The following TAAR9 variants were observed in gnomAD, a reference collection of about 807,000 sequenced individuals.
TAAR9 encodes the protein trace amine associated receptor 9.
For synonymous variants in TAAR9, 162 were observed against 152.6 expected, an observed-to-expected ratio of 1.06 and a Z score of -0.45; for missense variants, 453 against 409.4, an observed-to-expected ratio of 1.11 and a Z score of -0.92.
At chr6:132,538,925 C>T (rs2114524243) in exon 1 of TAAR9, 8 of 1,588,624 alleles carry the variant, frequency 5.0e-6, no homozygotes, top group Non-Finnish European at 6.8e-6. Flanking sequence ...CCAATGTCGC[C>T]ATGGTGTTTA....
At chr6:132,538,373 G>T (rs370164196) in exon 1 of TAAR9, 4 of 1,613,544 alleles carry the variant, frequency 2.5e-6, no homozygotes, top group South Asian at 1.1e-5. Flanking sequence ...CTCCTTACTC[G>T]CCAGGTCCTC....
chr6:132,539,158 C>T (rs767649921), exon 1 of TAAR9: 4 of 1,584,304 alleles, frequency 2.5e-6, no homozygotes, highest in South Asian at 2.3e-5. Context: ...ATAACTCCTC[C>T]TTATGTTTAT....
chr6:132,539,024 C>G lies in TAAR9; in HGVS notation c.735C>G (p.Tyr245Ter), dbSNP rs771879679. ...AAGCTCAGTCCTCCTCAGAGAGTTA[C>G]AAGGAAAGAGTAGCAAAAAGAGAGA... The change falls in exon 1 of 1, where the codon TAC becomes TAG. Residue 245 changes from tyrosine (Y) to a stop codon, truncating the protein, a stop_gained. Transcript: ENST00000434551. LOFTEE classifies it low-confidence loss of function (END_TRUNC). 1 of 1,529,102 alleles carries G rather than the reference C, an allele frequency of 6.5e-7. No individual in the cohort carries two copies. Among genetic ancestry groups the G allele is most frequent in the Non-Finnish European group, 8.7e-7 (1 of 1,143,358 alleles). The allele number at this position is 1,529,102 out of a possible 1,614,324, so 94.7% of individuals were successfully genotyped here.
exon 1 of TAAR9, chr6:132,538,503 G>A (rs1776251225): frequency 6.2e-7 from 1 of 1,612,388 alleles, no homozygotes; most frequent in South Asian, 1.1e-5. Context: ...CTTTCTGATT[G>A]CGTCGCTGGC....
At chr6:132,539,152 C>G (rs760021872) in exon 1 of TAAR9, 5 of 1,578,380 alleles carry the variant, frequency 3.2e-6, no homozygotes, top group Non-Finnish European at 4.3e-6. Flanking sequence ...AATTTTATAA[C>G]TCCTCCTTAT....
chr6:132,538,351 C>A (rs1467563786), exon 1 of TAAR9: 6 of 1,613,456 alleles, frequency 3.7e-6, no homozygotes, highest in South Asian at 1.1e-5. Context: ...GTGAACGAAT[C>A]CTGCATTAAA....
exon 1 of TAAR9, chr6:132,539,109 T>A (rs1460472234): frequency 6.4e-7 from 1 of 1,555,180 alleles, no homozygotes; most frequent in Non-Finnish European, 8.7e-7. Flanking sequence ...TTGGCTACCA[T>A]ACCTCGTTGA....
exon 1 of TAAR9, chr6:132,538,407 G>A: frequency 6.2e-7 from 1 of 1,613,736 alleles, no homozygotes; most frequent in Non-Finnish European, 8.5e-7. Flanking sequence ...CGCCGTCCTT[G>A]GTTTTGGGGC....
At chr6:132,539,141 G>A (rs1415729752) in exon 1 of TAAR9, 2 of 1,575,078 alleles carry the variant, frequency 1.3e-6, no homozygotes, top group Non-Finnish European at 8.6e-7. Context: ...ATGCTTATAT[G>A]AATTTTATAA....
At chr6:132,539,171 G>A in exon 1 of TAAR9, 2 of 1,589,564 alleles carry the variant, frequency 1.3e-6, no homozygotes, top group South Asian at 1.2e-5. Context: ...ATGTTTATGA[G>A]ATTTTAGTTT....
At position 132,538,412 on chromosome 6, in the gene TAAR9, TG is replaced by T. The variant is rs751382963; in HGVS notation, c.127del (p.Ala43LeufsTer12). 2 of 1,613,818 alleles carry T rather than the reference TG, an allele frequency of 1.2e-6. No homozygotes were observed. The highest frequency in any genetic ancestry group is 1.7e-6 in the Non-Finnish European group (2 of 1,179,836). ...CTATCCTCTACGCCGTCCTTGGTTT[TG>T]GGGCTGTGCTGGCAGCGTTTGGAAA... On this transcript the variant is annotated frameshift_variant, in exon 1 of 1. Transcript: ENST00000434551. LOFTEE classifies it low-confidence loss of function (END_TRUNC).
exon 1 of TAAR9, chr6:132,539,305 A>T: frequency 6.2e-7 from 1 of 1,610,656 alleles, no homozygotes; most frequent in Non-Finnish European, 8.5e-7. Context: ...TCAACAACTA[A>T]TTTATTTTCT....
chr6:132,538,967 T>A, exon 1 of TAAR9: 1 of 1,548,782 alleles, frequency 6.5e-7, no homozygotes, highest in Non-Finnish European at 8.7e-7. Flanking sequence ...TGGCCAAGCA[T>A]CAGGCTAGGA....
chr6:132,538,843 C>A (rs754573179), exon 1 of TAAR9: 10 of 1,613,694 alleles, frequency 6.2e-6, no homozygotes, highest in Non-Finnish European at 8.5e-6. Context: ...GTTGCTCTAA[C>A]CTGTGTAGGA....
At chr6:132,538,862 G>A in exon 1 of TAAR9, 4 of 1,613,060 alleles carry the variant, frequency 2.5e-6, no homozygotes, top group Non-Finnish European at 3.4e-6. Context: ...GAGGCTGCCA[G>A]GCTCCACTGA....
At chr6:132,538,858 G>T (rs1486877233) in exon 1 of TAAR9, 2 of 1,613,240 alleles carry the variant, frequency 1.2e-6, no homozygotes, top group Non-Finnish European at 1.7e-6. Flanking sequence ...GTAGGAGGCT[G>T]CCAGGCTCCA....
chr6:132,539,276 G>C (rs1375516723), exon 1 of TAAR9: 19 of 1,612,780 alleles, frequency 1.2e-5, no homozygotes, highest in Non-Finnish European at 1.6e-5. Context: ...TAAGCGGCAA[G>C]GTCTTAAGGA....
Position 132,539,013 on chromosome 6 carries a change from T to G in TAAR9, c.724T>G (p.Ser242Ala), listed in dbSNP as rs370651947. 39 of 1,530,738 alleles carry G rather than the reference T, an allele frequency of 2.5e-5. No homozygotes were observed. The highest frequency in any genetic ancestry group is 5.6e-5 in the African/African-American group (4 of 71,916). The allele number at this position is 1,530,738 out of a possible 1,614,324, so 94.8% of individuals were successfully genotyped here. A position where few individuals can be genotyped will look rare whatever the true frequency, so the allele number is the denominator to read the frequency against. The change falls in exon 1 of 1, where the codon TCA (serine) becomes GCA (alanine). Residue 242 changes from serine to alanine, a missense_variant. Transcript: ENST00000434551. ...TACAGCCAGCCAAGCTCAGTCCTCC[T>G]CAGAGAGTTACAAGGAAAGAGTAGC...
rs748478808 is a variant in TAAR9 at position 132,538,686 on chromosome 6, G to A, written c.397G>A (p.Ala133Thr). 1.1e-5 allele frequency: 18 copies of A among 1,612,952 alleles called. 1 individual carries two copies. The highest frequency in any genetic ancestry group is 1.4e-5 in the Non-Finnish European group (17 of 1,179,538). ...CTGTATCTCTGTTGATAGATACATT[G>A]CTGTTACTGATCCTCTGACCTATCC... Residue 133 changes from alanine (A) to threonine (T), a missense_variant, in exon 1 of 1, where the codon GCT becomes ACT. Transcript: ENST00000434551.
Sources: allele counts gnomAD v4.1 joint callset, GRCh38; gene constraint gnomAD v4.1.1; transcripts MANE v1.5; gene names NCBI Gene and HGNC (gene_info 2026-07-23, HGNC 2026-07-21).